TSHZ2: variants seen among roughly 807,000 people sequenced by gnomAD.
TSHZ2 encodes the protein teashirt homolog 2.
TSHZ2 carries 21 observed loss-of-function variants against 74.4 expected under a neutral mutation model. The ratio of observed to expected loss-of-function variants is 0.28; its 90% CI spans 0.20 to 0.41. TSHZ2 has a LOEUF of 0.41. Among genes scored for constraint, TSHZ2 ranks in the 10% least tolerant of loss-of-function variants. TSHZ2 has a pLI of 1.00. For missense variants in TSHZ2, 1,244 were observed against 1,293.5 expected, an observed-to-expected ratio of 0.96 and a Z score of 0.59; for synonymous variants, 540 against 515.3, an observed-to-expected ratio of 1.05 and a Z score of -0.65.
At chr20:53,155,084 C>G (rs1411264221) in intron 1 of TSHZ2, among the ~76,000 whole-genome samples, 1 of 102,796 alleles carries the variant, frequency 9.7e-6, no homozygotes, top group African/African-American at 3.8e-5. Context: ...TTAGTTTTGT[C>G]AGGAACTACA....
intron 2 of TSHZ2, among the ~76,000 whole-genome samples, chr20:53,311,956 C>G (rs1978809190): frequency 6.6e-6 from 1 of 152,142 alleles, no homozygotes; most frequent in South Asian, 2.1e-4. Flanking sequence ...TGGCACATGC[C>G]TGTAGTCCTA....
intron 1 of TSHZ2, among the ~76,000 whole-genome samples, chr20:53,105,316 G>A (rs975972932): frequency 2.6e-5 from 4 of 152,196 alleles, no homozygotes; most frequent in Non-Finnish European, 4.4e-5. Flanking sequence ...TTAGGAGCTA[G>A]ATGATTCTTC....
chr20:53,160,326 C>T (rs761055888), intron 1 of TSHZ2, among the ~76,000 whole-genome samples: 42 of 152,104 alleles, frequency 2.8e-4, no homozygotes, highest in Non-Finnish European at 5.9e-4. Context: ...TTCAGGAGTC[C>T]ACATCAAATC....
chr20:53,062,109 G>A (rs1984840597), intron 1 of TSHZ2, among the ~76,000 whole-genome samples: 1 of 152,160 alleles, frequency 6.6e-6, no homozygotes. Context: ...TGTGGTACAA[G>A]AGTGGGAACT....
intron 1 of TSHZ2, among the ~76,000 whole-genome samples, chr20:53,047,473 C>T (rs893462718): frequency 6.6e-6 from 1 of 152,084 alleles, no homozygotes; most frequent in Non-Finnish European, 1.5e-5. Context: ...AAGGCAGGCC[C>T]CTCTTTTTAA....
intron 1 of TSHZ2, among the ~76,000 whole-genome samples, chr20:53,187,023 G>A (rs967099778): frequency 6.6e-6 from 1 of 152,102 alleles, no homozygotes; most frequent in Non-Finnish European, 1.5e-5. Context: ...TTCTTTGTGT[G>A]TATATAGCCA....
intron 2 of TSHZ2, among the ~76,000 whole-genome samples, chr20:53,329,851 G>A (rs969591576): frequency 1.3e-5 from 2 of 152,188 alleles, no homozygotes; most frequent in Non-Finnish European, 2.9e-5. Context: ...GGAGGACAGA[G>A]CCAGGCCAAT....
intron 1 of TSHZ2, among the ~76,000 whole-genome samples, chr20:53,086,239 A>C (rs190308089): frequency 6.6e-6 from 1 of 152,236 alleles, no homozygotes; most frequent in Admixed American, 6.5e-5. Flanking sequence ...CAGGGAATTG[A>C]TGCAAAGGTG....
rs1364555806 is a variant in TSHZ2, at chr20:52,972,851, G to C, written c.-443G>C. 4.8e-6 allele frequency: 1 copy of C among 208,104 alleles called. No homozygotes were observed. The highest frequency in any genetic ancestry group is 9.3e-6 in the Non-Finnish European group (1 of 107,272). 12.9% of individuals were successfully genotyped at this position (208,104 alleles called of 1,614,324 possible). On this transcript the variant is annotated 5_prime_UTR_variant, in exon 1 of 3. Coordinates refer to ENST00000371497, the MANE Select transcript of TSHZ2 (RefSeq NM_173485.6). Reference sequence around the variant, plus strand: ...CTTTTTTTTTTCCTTATCTTTACGCGCGAGTGTGCCTGTGGCGCGTGTGCG... The same window carrying C: ...CTTTTTTTTTTCCTTATCTTTACGCCCGAGTGTGCCTGTGGCGCGTGTGCG...
intron 1 of TSHZ2, among the ~76,000 whole-genome samples, chr20:53,156,056 G>T (rs780419707): frequency 1.7e-4 from 26 of 152,162 alleles, no homozygotes; most frequent in Non-Finnish European, 3.1e-4. Context: ...GGAACAAGGG[G>T]CTGCAGCTGA....
At chr20:52,978,118 G>A (rs1981414862) in intron 1 of TSHZ2, among the ~76,000 whole-genome samples, 1 of 152,094 alleles carries the variant, frequency 6.6e-6, no homozygotes, top group African/African-American at 2.4e-5. Flanking sequence ...CATCCCAGCT[G>A]ATTTCTCATT....
At chr20:52,987,104 G>A (rs1290270350) in intron 1 of TSHZ2, among the ~76,000 whole-genome samples, 1 of 152,194 alleles carries the variant, frequency 6.6e-6, no homozygotes, top group Non-Finnish European at 1.5e-5. Flanking sequence ...TTGGAAATCT[G>A]AAGGAATCTC....
chr20:53,017,329 G>A (rs1983074040), intron 1 of TSHZ2, among the ~76,000 whole-genome samples: 1 of 152,148 alleles, frequency 6.6e-6, no homozygotes, highest in South Asian at 2.1e-4. Flanking sequence ...CATGCTACAA[G>A]TCGTACTGAA....
chr20:53,153,439 TACAGTTCTTGG>T (rs1987721925), intron 1 of TSHZ2, among the ~76,000 whole-genome samples: 1 of 152,186 alleles, frequency 6.6e-6, no homozygotes, highest in African/African-American at 2.4e-5. Flanking sequence ...ATTGGGATGT[TACAGTTCTTGG>T]ACTGCAAGCA....
chr20:53,435,925 C>T (rs1984039369), intron 2 of TSHZ2, among the ~76,000 whole-genome samples: 1 of 152,190 alleles, frequency 6.6e-6, no homozygotes, highest in African/African-American at 2.4e-5. Context: ...TCAGTTTCCT[C>T]GTGTCTAAGA....
At chr20:53,450,977 A>G (rs1984757199) in intron 2 of TSHZ2, among the ~76,000 whole-genome samples, 1 of 152,200 alleles carries the variant, frequency 6.6e-6, no homozygotes, top group African/African-American at 2.4e-5. Context: ...CCAGAGGGAA[A>G]AAAAAAAGAC....
intron 1 of TSHZ2, among the ~76,000 whole-genome samples, chr20:53,201,583 G>A (rs1385403363): frequency 6.6e-6 from 1 of 152,136 alleles, no homozygotes; most frequent in Non-Finnish European, 1.5e-5. Context: ...CATCAGCAAA[G>A]TCCCTTTCGT....
intron 1 of TSHZ2, among the ~76,000 whole-genome samples, chr20:53,151,425 A>G (rs560472268): frequency 6.6e-6 from 1 of 152,308 alleles, no homozygotes; most frequent in Admixed American, 6.5e-5. Context: ...AAATTCCTCA[A>G]CCAAAATTCT....
chr20:53,004,859 G>C (rs1455947353), intron 1 of TSHZ2, among the ~76,000 whole-genome samples: 6 of 152,162 alleles, frequency 3.9e-5, no homozygotes, highest in African/African-American at 1.4e-4. Flanking sequence ...TTCTGATTTA[G>C]TGGAGGTAGA....
Sources: gnomAD v4.1 joint callset for allele counts (sites outside exome capture counted in the v4.1 genomes callset) on GRCh38, gnomAD v4.1.1 for gene constraint, MANE v1.5 for transcripts, NCBI Gene and HGNC (gene_info 2026-07-23, HGNC 2026-07-21) for gene names.